ADAMTS14: variants seen among roughly 807,000 people sequenced by gnomAD.
ADAMTS14 encodes the protein ADAM metallopeptidase with thrombospondin type 1 motif 14, also known as A disintegrin and metalloproteinase with thrombospondin motifs 14.
In ADAMTS14, 100 loss-of-function variants were observed where a neutral mutation model predicts 128.6. That is an observed-to-expected ratio of 0.78 (90% CI 0.66 to 0.92). The LOEUF is 0.92. ADAMTS14 is among the 40% of genes least tolerant of loss of function. ADAMTS14 has a pLI of 0.00. For missense variants in ADAMTS14, 1,562 were observed against 1,658.6 expected (o/e 0.94, Z 1.01); for synonymous variants, 665 against 653.8 (o/e 1.02, Z -0.26).
At chr10:70,747,771 T>C (rs2791185) in intron 15 of ADAMTS14, among the ~76,000 whole-genome samples, 1 of 152,156 alleles carries the variant, frequency 6.6e-6, no homozygotes, top group African/African-American at 2.4e-5. Context: ...AGCGAAGCAG[T>C]GGCGGCCCAG....
intron 8 of ADAMTS14, 24 bp from the exon 9 acceptor site, chr10:70,735,145 C>T (rs369791910): frequency 3.1e-6 from 5 of 1,600,040 alleles, no homozygotes; most frequent in East Asian, 2.2e-5. Context: ...CAGCCTGGCT[C>T]ACCTTCCTTG....
Position 70,760,430 on chromosome 10 carries a change from C to T in ADAMTS14, c.3249C>T (p.Pro1083=), listed in dbSNP as rs373285681. The change falls in exon 22 of 22, where the codon CCC becomes CCT. Residue 1083 remains proline, a synonymous_variant. Coordinates refer to ENST00000373207, the MANE Select transcript of ADAMTS14 (RefSeq NM_080722.4). The part of the protein sequence containing the change: ...MEVLDRYCSI[P]GYHRLCCVSC... ...TGCTCGATCGCTACTGCTCCATTCC[C>T]GGCTACCACCGGCTCTGCTGTGTGT... The T allele has an allele frequency of 1.5e-4, 246 of 1,612,770 alleles. No homozygotes were observed. The highest frequency in any genetic ancestry group is 3.3e-4 in the Middle Eastern group (2 of 6,056).
intron 21 of ADAMTS14, among the ~76,000 whole-genome samples, chr10:70,759,785 G>T (rs547676125): frequency 1.3e-5 from 2 of 152,272 alleles, no homozygotes; most frequent in African/African-American, 4.8e-5. Context: ...GCTGGAGTGG[G>T]GCCAGACTCC....
In ADAMTS14 at chr10:70,708,754, CTA is replaced by C. The variant is rs774619040; in HGVS notation, c.848_849del (p.Tyr283CysfsTer10). ...TCCATGGCAAGGAGCATGTGCAGAA[CTA>C]TGTCCTCACCCTCATGAATATCGTG... is the stretch of plus-strand genomic sequence containing the variant. ...RFHGKEHVQNYVLTLMNIVDE... is the reference protein window; with the variant it reads ...RFHGKEHVQNXVLTLMNIVDE... On this transcript the variant is annotated frameshift_variant, in exon 4 of 22. Transcript: ENST00000373207. LOFTEE classifies it high-confidence loss of function. The C allele has an allele frequency of 5.0e-5, 74 of 1,482,100 alleles. No individual in the cohort carries two copies. Among genetic ancestry groups the C allele is most frequent in the Non-Finnish European group, 6.4e-5 (70 of 1,095,272 alleles). The allele number at this position is 1,482,100 out of a possible 1,614,324, so 91.8% of individuals were successfully genotyped here.
chr10:70,701,850 G>A (rs758395145), intron 2 of ADAMTS14, among the ~76,000 whole-genome samples: 3 of 152,068 alleles, frequency 2.0e-5, no homozygotes, highest in African/African-American at 2.4e-5. Context: ...GGACAAACAC[G>A]CACCTTAGGG....
chr10:70,730,461 G>A, intron 6 of ADAMTS14, among the ~76,000 whole-genome samples: 1 of 152,214 alleles, frequency 6.6e-6, no homozygotes, highest in East Asian at 1.9e-4. Context: ...ATATTTTGGT[G>A]GAGGCTGCAG....
At chr10:70,689,930 A>G (rs1220954661) in intron 2 of ADAMTS14, among the ~76,000 whole-genome samples, 1 of 144,526 alleles carries the variant, frequency 6.9e-6, no homozygotes, top group African/African-American at 2.4e-5. Flanking sequence ...CCTTATTCAC[A>G]ATTTCCAGCT....
At chr10:70,743,757 G>T in intron 13 of ADAMTS14, 76 bp downstream of exon 13, 1 of 1,463,512 alleles carries the variant, frequency 6.8e-7, no homozygotes, top group Non-Finnish European at 9.0e-7. Context: ...TCCTGCCTGG[G>T]AAGATGAGCA....
intron 19 of ADAMTS14, among the ~76,000 whole-genome samples, chr10:70,755,131 C>A (rs2132752089): frequency 6.6e-6 from 1 of 151,938 alleles, no homozygotes; most frequent in African/African-American, 2.4e-5. Flanking sequence ...CAGAGCAAGA[C>A]CTCGCCTCTA....
At chr10:70,723,730 G>A (rs1841343465) in intron 4 of ADAMTS14, among the ~76,000 whole-genome samples, 2 of 152,148 alleles carry the variant, frequency 1.3e-5, no homozygotes, top group Non-Finnish European at 1.5e-5. Flanking sequence ...CCCTGTTTAA[G>A]ACCTGCCCGA....
intron 4 of ADAMTS14, among the ~76,000 whole-genome samples, chr10:70,719,326 A>G (rs933285904): frequency 7.9e-5 from 12 of 151,814 alleles, no homozygotes; most frequent in African/African-American, 2.9e-4. Flanking sequence ...TATGGTTCAC[A>G]CAACACTTTT....
intron 6 of ADAMTS14, among the ~76,000 whole-genome samples, chr10:70,731,197 C>T (rs149334949): frequency 5.9e-5 from 9 of 152,172 alleles, no homozygotes; most frequent in East Asian, 3.9e-4. Flanking sequence ...CAAACACACA[C>T]GTATACACAG....
intron 12 of ADAMTS14, among the ~76,000 whole-genome samples, chr10:70,742,907 A>T (rs1196220095): frequency 6.6e-6 from 1 of 152,236 alleles, no homozygotes; most frequent in Non-Finnish European, 1.5e-5. Context: ...ACCCAGATAC[A>T]GACCACTTTT....
In ADAMTS14 at chr10:70,760,781, G is replaced by A. The variant is rs778841716; in HGVS notation, c.3600G>A (p.Glu1200=). The A allele has an allele frequency of 6.2e-7, 1 of 1,610,870 alleles. No individual in the cohort carries two copies. Among genetic ancestry groups the A allele is most frequent in the Non-Finnish European group, 8.5e-7 (1 of 1,178,056 alleles). The stretch of plus-strand genomic sequence containing the variant: ...CTCAGACACCTACGCCAGTCCCTGA[G>A]GACAAAGGGCAACCTGGAGAAGACC... ...GWTQTPTPVP[E]DKGQPGEDLR... The change falls in exon 22 of 22, where the codon GAG becomes GAA. Residue 1200 remains glutamate (E), a synonymous_variant. Transcript: ENST00000373207.
In ADAMTS14 at chr10:70,752,247, G is replaced by T. The variant is rs1449986585; in HGVS notation, c.2729+20G>T. ...GCCTGTGTGAGTGCTCCCAGGGAGGGACGGGGAGTCTGGTTCTATGCCTAG... is the reference window on the plus strand; with the variant it reads ...GCCTGTGTGAGTGCTCCCAGGGAGGTACGGGGAGTCTGGTTCTATGCCTAG... On this transcript the variant is annotated intron_variant, in intron 18 of 21. Transcript: ENST00000373207. The T allele has an allele frequency of 3.7e-6, 6 of 1,612,412 alleles. No individual in the cohort carries two copies. Among genetic ancestry groups the T allele is most frequent in the Non-Finnish European group, 5.1e-6 (6 of 1,179,342 alleles).
chr10:70,685,115 G>A (rs1404744390), intron 2 of ADAMTS14, among the ~76,000 whole-genome samples: 2 of 152,238 alleles, frequency 1.3e-5, no homozygotes, highest in African/African-American at 4.8e-5. Flanking sequence ...CCTGAGGGCT[G>A]CTTAGCAGGC....
intron 4 of ADAMTS14, among the ~76,000 whole-genome samples, chr10:70,711,068 T>G (rs1212706540): frequency 6.6e-6 from 1 of 152,190 alleles, no homozygotes; most frequent in Non-Finnish European, 1.5e-5. Context: ...AAAACCCAAC[T>G]CAATCTAGAT....
chr10:70,693,809 C>T (rs1079352), intron 2 of ADAMTS14, among the ~76,000 whole-genome samples: 25,367 of 152,166 alleles, frequency 0.17, 2,687 homozygotes, highest in Middle Eastern at 0.25. Context: ...GAACTGTGGC[C>T]GAGTGGTCAT....
chr10:70,725,266 G>A (rs1057063418), intron 4 of ADAMTS14, among the ~76,000 whole-genome samples: 4 of 152,162 alleles, frequency 2.6e-5, no homozygotes, highest in Non-Finnish European at 5.9e-5. Flanking sequence ...AGCAGAGGAC[G>A]TGGAAGGGAA....
Sources: gnomAD v4.1 joint callset for allele counts (sites outside exome capture counted in the v4.1 genomes callset) on GRCh38, gnomAD v4.1.1 for gene constraint, MANE v1.5 for transcripts, NCBI Gene and HGNC (gene_info 2026-07-23, HGNC 2026-07-21) for gene names.